DCK: variants seen among roughly 807,000 people sequenced by gnomAD.
DCK encodes the protein deoxyadenosine kinase.
A neutral mutation model predicts 38.3 loss-of-function variants in DCK; 23 were observed. The ratio of observed to expected loss-of-function variants is 0.60; its 90% CI spans 0.43 to 0.85. DCK has a LOEUF of 0.85. DCK is among the 40% of genes least tolerant of loss of function. The pLI is 0.00. For synonymous variants in DCK, 108 were observed against 100.6 expected (o/e 1.07, Z -0.44); for missense variants, 259 against 304.4 (o/e 0.85, Z 1.11).
Position 70,998,161 on chromosome 4 carries a change from A to T in DCK, c.186A>T (p.Gln62His), listed in dbSNP as rs1468041947. Reference sequence around the variant, plus strand: ...CTGTTGCCAGATGGTGCAATGTTCAAAGTACTCAAGATGAATTTGAGGTAT... The same window carrying T: ...CTGTTGCCAGATGGTGCAATGTTCATAGTACTCAAGATGAATTTGAGGTAT... Reference protein sequence around the residue: ...PEPVARWCNVQSTQDEFEELT... With the variant: ...PEPVARWCNVHSTQDEFEELT... Residue 62 changes from glutamine to histidine, a missense_variant, in exon 2 of 7, where the codon CAA becomes CAT. This residue lies in a region of DCK where 159 missense variants were observed against 159.0 expected (regional missense o/e 1.00). Transcript: ENST00000286648. 5 of 1,581,710 alleles carry T rather than the reference A, an allele frequency of 3.2e-6. No homozygotes were observed. The highest frequency in any genetic ancestry group is 3.5e-6 in the Non-Finnish European group (4 of 1,155,556).
intron 6 of DCK, among the ~76,000 whole-genome samples, chr4:71,027,388 T>G (rs1238029043): frequency 1.3e-5 from 2 of 152,020 alleles, no homozygotes; most frequent in African/African-American, 2.4e-5. Flanking sequence ...TCACTGGGAG[T>G]TGACTATATT....
intron 4 of DCK, among the ~76,000 whole-genome samples, 189 bp from the exon 5 acceptor site, chr4:71,025,627 T>C (rs1233180942): frequency 6.6e-6 from 1 of 152,106 alleles, no homozygotes; most frequent in African/African-American, 2.4e-5. Context: ...AAGTACTGCT[T>C]GGCTTAGAGC....
At chr4:71,004,256 A>G (rs1446007008) in intron 2 of DCK, among the ~76,000 whole-genome samples, 2 of 152,224 alleles carry the variant, frequency 1.3e-5, no homozygotes, top group Non-Finnish European at 2.9e-5. Context: ...GGTCCACTGC[A>G]GATCCTGTTT....
chr4:71,015,894 A>C (rs1484481551), intron 2 of DCK, among the ~76,000 whole-genome samples: 2 of 152,184 alleles, frequency 1.3e-5, no homozygotes, highest in Admixed American at 6.5e-5. Context: ...GCCCTCTCTC[A>C]CCACTCCTAT....
In DCK at chr4:71,009,087, G is replaced by A. The variant is rs945615228; in HGVS notation, c.207+10905G>A. Among the ~76,000 whole-genome samples the A allele has an allele frequency of 2.0e-5, 3 of 152,210 alleles. No individual in the cohort carries two copies. The South Asian group carries it at 6.2e-4, about 32-fold the overall frequency. On this transcript the variant is annotated intron_variant, in intron 2 of 6. Transcript: ENST00000286648. ...ATGGAAAAATACATTGTACTCAGGTGATGGACACCCTGAATGATTCGATTA... is the reference window on the plus strand; with the variant it reads ...ATGGAAAAATACATTGTACTCAGGTAATGGACACCCTGAATGATTCGATTA...
chr4:71,013,279 C>T (rs1467462114), intron 2 of DCK, among the ~76,000 whole-genome samples: 2 of 152,186 alleles, frequency 1.3e-5, no homozygotes, highest in Non-Finnish European at 1.5e-5. Flanking sequence ...AAATCTGCGT[C>T]TGATTGGTGT....
At chr4:71,012,237 T>G (rs1740118996) in intron 2 of DCK, among the ~76,000 whole-genome samples, 1 of 152,198 alleles carries the variant, frequency 6.6e-6, no homozygotes, top group Non-Finnish European at 1.5e-5. Flanking sequence ...CCACCATTGC[T>G]GAGGCTTGGG....
At chr4:71,026,620 T>C (rs775957733) in intron 5 of DCK, 45 bp from the exon 6 acceptor site, 4 of 933,356 alleles carry the variant, frequency 4.3e-6, no homozygotes, top group African/African-American at 1.7e-5. Flanking sequence ...CTCTCTTTTT[T>C]TTGTTGAATT....
chr4:70,994,029 C>G (rs1429385964), intron 1 of DCK, 103 bp downstream of exon 1: 3 of 855,956 alleles, frequency 3.5e-6, no homozygotes, highest in African/African-American at 3.4e-5. Flanking sequence ...TGAGGGCTTT[C>G]CCTCCAGCCT....
At chr4:70,997,126 A>C (rs1739677855) in intron 1 of DCK, among the ~76,000 whole-genome samples, 1 of 152,214 alleles carries the variant, frequency 6.6e-6, no homozygotes, top group Non-Finnish European at 1.5e-5. Context: ...AAGCAGTGTC[A>C]GAAGAAAGTT....
chr4:71,012,828 A>C (rs1022779903), intron 2 of DCK, among the ~76,000 whole-genome samples: 1 of 152,270 alleles, frequency 6.6e-6, no homozygotes, highest in African/African-American at 2.4e-5. Flanking sequence ...AACAGAGCAG[A>C]AAAGCTGAAA....
Position 71,022,527 on chromosome 4 carries a change from T to G in DCK, c.368T>G (p.Val123Gly). The G allele has an allele frequency of 6.3e-7, 1 of 1,594,366 alleles. No individual in the cohort carries two copies. The change falls in exon 3 of 7, where the codon GTA (valine) becomes GGA (glycine). Residue 123 changes from valine (V) to glycine (G), a missense_variant. Physicochemically the swap from Val to Gly is moderately radical, Grantham distance 109. Around this residue, in one of 3 missense-constraint regions of DCK, gnomAD observed 159 missense variants for 159.0 expected, o/e 1.00. Transcript: ENST00000286648. ...NGKLKDAEKP[V>G]LFFERSVYSD... ...AAGCTCAAAGATGCAGAGAAACCTG[T>G]ATTATTTTTTGAACGATCTGTGTAT... is the stretch of plus-strand genomic sequence containing the variant.
chr4:71,022,580 A>G lies in DCK; in HGVS notation c.401+20A>G. The G allele has an allele frequency of 7.4e-7, 1 of 1,350,674 alleles. No individual in the cohort carries two copies. The highest frequency in any genetic ancestry group is 9.6e-7 in the Non-Finnish European group (1 of 1,042,478). 83.7% of individuals were successfully genotyped at this position (1,350,674 alleles called of 1,614,324 possible). ...TGACAGGTATGTATAAATGGCTTGT[A>G]CGTGGCCATTTGAAGTTTTTATCTT... On this transcript the variant is annotated intron_variant, in intron 3 of 6. Coordinates refer to ENST00000286648, the MANE Select transcript of DCK (RefSeq NM_000788.3).
intron 6 of DCK, among the ~76,000 whole-genome samples, chr4:71,028,458 A>G (rs917167060): frequency 6.6e-6 from 1 of 152,212 alleles, no homozygotes; most frequent in Admixed American, 6.5e-5. Context: ...GCCAGACATG[A>G]TGGTGTGCAC....
intron 2 of DCK, among the ~76,000 whole-genome samples, chr4:71,008,686 G>C (rs1048019095): frequency 1.3e-5 from 2 of 152,156 alleles, no homozygotes; most frequent in African/African-American, 4.8e-5. Context: ...TATTGGACTA[G>C]GTGACCTCCA....
rs574837711 is a variant in DCK, at chr4:71,005,527, A to G, written c.207+7345A>G. On this transcript the variant is annotated intron_variant, in intron 2 of 6. Coordinates refer to ENST00000286648, the MANE Select transcript of DCK (RefSeq NM_000788.3). ...TTTCTAATTTTTTTTTTTTTTTGAG[A>G]TGGAGTTTCGCTTTTGTTGCCCAGG... Among the ~76,000 whole-genome samples, 112 of 147,704 alleles carry G rather than the reference A, an allele frequency of 7.6e-4. No individual in the cohort carries two copies. The South Asian group carries it at 7.8e-3, about 10-fold the overall frequency.
intron 2 of DCK, among the ~76,000 whole-genome samples, chr4:71,002,882 C>T (rs779194334): frequency 1.3e-5 from 2 of 152,018 alleles, no homozygotes; most frequent in African/African-American, 2.4e-5. Flanking sequence ...TCCTGAATAC[C>T]GCACACTGAT....
intron 2 of DCK, among the ~76,000 whole-genome samples, chr4:71,003,581 A>G (rs1739865229): frequency 6.6e-6 from 1 of 151,980 alleles, no homozygotes; most frequent in Non-Finnish European, 1.5e-5. Context: ...CGTCAGTTTC[A>G]GGTATACCAG....
chr4:71,001,381 C>T (rs1440413538), intron 2 of DCK, among the ~76,000 whole-genome samples: 7 of 152,054 alleles, frequency 4.6e-5, no homozygotes, highest in Admixed American at 6.6e-5. Flanking sequence ...CTACTGGATT[C>T]GGTTTGCCAG....
Sources: allele counts gnomAD v4.1 joint callset (sites outside exome capture counted in the v4.1 genomes callset), GRCh38; gene constraint gnomAD v4.1.1; regional missense constraint gnomAD v4.1.1; transcripts MANE v1.5; gene names NCBI Gene and HGNC (gene_info 2026-07-23, HGNC 2026-07-21).